RSPO2: variants seen among roughly 807,000 people sequenced by gnomAD.
The protein encoded by RSPO2 is R-spondin-2.
RSPO2 carries 14 observed loss-of-function variants against 30.9 expected under a neutral mutation model. The ratio of observed to expected loss-of-function variants is 0.45; its 90% CI spans 0.30 to 0.71. The LOEUF (loss-of-function observed/expected upper bound fraction) is 0.71. RSPO2 is among the 30% of genes least tolerant of loss of function. The pLI is 0.08. For synonymous variants in RSPO2, 107 were observed against 96.4 expected (o/e 1.11, Z -0.64); for missense variants, 264 against 301.9 (o/e 0.87, Z 0.93).
chr8:107,914,650 T>C (rs1339651983), intron 5 of RSPO2, among the ~76,000 whole-genome samples: 1 of 152,092 alleles, frequency 6.6e-6, no homozygotes. Context: ...CCTTCCTCCT[T>C]TAGAATTTTC....
chr8:107,983,106 C>T (rs1194883069), intron 3 of RSPO2: 13 of 1,414,984 alleles, frequency 9.2e-6, no homozygotes, highest in Middle Eastern at 2.5e-4. Flanking sequence ...CCGCCGCTTA[C>T]CCCAGGGTCT....
Position 108,082,679 on chromosome 8 carries a change from G to A in RSPO2, c.-41C>T. On this transcript the variant is annotated 5_prime_UTR_variant, in exon 2 of 6. Transcript: ENST00000276659. ...GGGGAGAGACGCCTCTCAAAGTCTA[G>A]GAACTGGAGGGTTCGCCCAAAGAGC... 1 of 1,544,516 alleles carries A rather than the reference G, an allele frequency of 6.5e-7. No individual in the cohort carries two copies. Among genetic ancestry groups the A allele is most frequent in the Non-Finnish European group, 8.9e-7 (1 of 1,119,276 alleles).
chr8:108,032,348 G>GAGCA (rs754417399), intron 2 of RSPO2, among the ~76,000 whole-genome samples: 17 of 152,086 alleles, frequency 1.1e-4, no homozygotes, highest in Non-Finnish European at 1.6e-4. Context: ...ACTAAATGAT[G>GAGCA]AACTCCTTGA....
At chr8:108,048,283 A>AC (rs1201044675) in intron 2 of RSPO2, among the ~76,000 whole-genome samples, 1 of 151,854 alleles carries the variant, frequency 6.6e-6, no homozygotes, top group African/African-American at 2.4e-5. Flanking sequence ...CAACTCCAGA[A>AC]CACTGACAAG....
At chr8:107,947,319 A>G (rs1462786706) in intron 5 of RSPO2, among the ~76,000 whole-genome samples, 3 of 152,262 alleles carry the variant, frequency 2.0e-5, no homozygotes. Flanking sequence ...GGCAAGCTAG[A>G]AAATAGGAAA....
intron 3 of RSPO2, among the ~76,000 whole-genome samples, chr8:107,986,030 C>T (rs1416757736): frequency 6.6e-6 from 1 of 152,154 alleles, no homozygotes; most frequent in Non-Finnish European, 1.5e-5. Context: ...ATTTTTTAGG[C>T]TACTATTGCT....
intron 2 of RSPO2, among the ~76,000 whole-genome samples, chr8:108,066,706 T>C (rs1812681538): frequency 6.6e-6 from 1 of 152,006 alleles, no homozygotes; most frequent in Non-Finnish European, 1.5e-5. Flanking sequence ...TATCTATAGC[T>C]GAAAAAGGAA....
At chr8:107,964,662 T>C (rs1813738809) in intron 3 of RSPO2, among the ~76,000 whole-genome samples, 1 of 152,116 alleles carries the variant, frequency 6.6e-6, no homozygotes, top group South Asian at 2.1e-4. Flanking sequence ...CCCTGCTCTG[T>C]TCAGCCATTT....
chr8:108,006,342 A>G (rs1220898968), intron 2 of RSPO2, among the ~76,000 whole-genome samples: 1 of 147,802 alleles, frequency 6.8e-6, no homozygotes, highest in Admixed American at 6.6e-5. Flanking sequence ...TGAAGGTTAA[A>G]GTTTCCTAAT....
At chr8:108,048,676 T>G (rs1205698036) in intron 2 of RSPO2, among the ~76,000 whole-genome samples, 1 of 152,176 alleles carries the variant, frequency 6.6e-6, no homozygotes, top group Non-Finnish European at 1.5e-5. Flanking sequence ...CCTTCAGTTC[T>G]GCTCTGATCT....
intron 5 of RSPO2, among the ~76,000 whole-genome samples, chr8:107,952,335 A>C (rs564885197): frequency 6.6e-6 from 1 of 151,802 alleles, no homozygotes; most frequent in Non-Finnish European, 1.5e-5. Flanking sequence ...ATTAGCTTCC[A>C]TGTAGCCGGA....
chr8:108,032,838 T>C (rs894045599), intron 2 of RSPO2, among the ~76,000 whole-genome samples: 1 of 151,702 alleles, frequency 6.6e-6, no homozygotes, highest in East Asian at 1.9e-4. Context: ...GGCAGGCGGA[T>C]CACAAGGTCA....
At chr8:107,969,022 C>T (rs1273819484) in intron 3 of RSPO2, among the ~76,000 whole-genome samples, 1 of 152,064 alleles carries the variant, frequency 6.6e-6, no homozygotes, top group East Asian at 1.9e-4. Context: ...AAATCATCTG[C>T]TTTGAACATT....
intron 5 of RSPO2, among the ~76,000 whole-genome samples, chr8:107,919,786 C>T (rs936250839): frequency 1.3e-5 from 2 of 152,016 alleles, no homozygotes; most frequent in Non-Finnish European, 2.9e-5. Flanking sequence ...TCCCTGAATG[C>T]TCGGGGAGAC....
chr8:107,944,135 C>T lies in RSPO2; in HGVS notation c.616+13945G>A, dbSNP rs1321437928. ...ATAATCAAACTTATAATTCAAGTCT[C>T]TGGTTTATTATCTTGGAATAGACAT... On this transcript the variant is annotated intron_variant, in intron 5 of 5. Transcript: ENST00000276659. Among the ~76,000 whole-genome samples the T allele has an allele frequency of 2.0e-5, 3 of 152,122 alleles. No individual in the cohort carries two copies. The South Asian group carries it at 6.2e-4, about 31-fold the overall frequency.
chr8:107,952,289 G>GCACACA (rs60942015), intron 5 of RSPO2, among the ~76,000 whole-genome samples: 26 of 149,026 alleles, frequency 1.7e-4, no homozygotes, highest in African/African-American at 6.2e-4. Flanking sequence ...ACACACACAT[G>GCACACA]CACACACACA....
At chr8:108,030,471 C>A (rs1327434738) in intron 2 of RSPO2, among the ~76,000 whole-genome samples, 1 of 152,164 alleles carries the variant, frequency 6.6e-6, no homozygotes, top group Non-Finnish European at 1.5e-5. Flanking sequence ...CAGACATTGA[C>A]TAGTGGATGC....
In RSPO2 at chr8:107,899,830, T is replaced by C. The variant is rs1811383029; in HGVS notation, c.*1245A>G. The C allele has an allele frequency of 6.6e-6, 1 of 152,200 alleles. No homozygotes were observed. The highest frequency in any genetic ancestry group is 1.5e-5 in the Non-Finnish European group (1 of 68,032). The allele number at this position is 152,200 out of a possible 1,614,324, so 9.4% of individuals were successfully genotyped here. On this transcript the variant is annotated 3_prime_UTR_variant, in exon 6 of 6. Transcript: ENST00000276659. ...AAAGTCACCTGGGAAGTTTCCATAGTGTTCCTCTCCATCTTGGATCTGAAA... is the reference window on the plus strand; with the variant it reads ...AAAGTCACCTGGGAAGTTTCCATAGCGTTCCTCTCCATCTTGGATCTGAAA...
intron 5 of RSPO2, among the ~76,000 whole-genome samples, chr8:107,931,748 T>C (rs1343498133): frequency 1.3e-5 from 2 of 152,162 alleles, no homozygotes; most frequent in Middle Eastern, 3.2e-3. Context: ...AACTTCCATA[T>C]AGCCAGATAT....
Sources: gnomAD v4.1 joint callset for allele counts (sites outside exome capture counted in the v4.1 genomes callset) on GRCh38, gnomAD v4.1.1 for gene constraint, MANE v1.5 for transcripts, NCBI Gene and HGNC (gene_info 2026-07-23, HGNC 2026-07-21) for gene names.